NOL4L: variants seen among roughly 807,000 people sequenced by gnomAD.
The protein encoded by NOL4L is nucleolar protein 4-like.
In NOL4L, 7 loss-of-function variants were observed where a neutral mutation model predicts 64.5. That is an observed-to-expected ratio of 0.11 (90% CI 0.06 to 0.20). The LOEUF is 0.20. Ranked by LOEUF, NOL4L falls within the 10% of genes least tolerant of loss-of-function variation. NOL4L has a pLI of 1.00. For synonymous variants in NOL4L, 413 were observed against 401.0 expected (o/e 1.03, Z -0.36); for missense variants, 680 against 967.1 (o/e 0.70, Z 3.94).
chr20:32,582,409 C>T (rs550692483), intron 1 of NOL4L, among the ~76,000 whole-genome samples: 10 of 151,926 alleles, frequency 6.6e-5, no homozygotes, highest in African/African-American at 2.2e-4. Flanking sequence ...GCAGCTGGGC[C>T]GGCAGGACCT....
chr20:32,571,314 A>G (rs532825416), intron 1 of NOL4L, among the ~76,000 whole-genome samples: 63 of 152,078 alleles, frequency 4.1e-4, no homozygotes, highest in Non-Finnish European at 7.1e-4. Flanking sequence ...CAGTCTCCCA[A>G]GTAGCTGGGA....
intron 2 of NOL4L, among the ~76,000 whole-genome samples, chr20:32,526,359 G>A (rs952039106): frequency 2.6e-5 from 4 of 152,136 alleles, no homozygotes; most frequent in Admixed American, 1.3e-4. Context: ...AGAAGCAGGA[G>A]GGGCGGGGAG....
intron 1 of NOL4L, among the ~76,000 whole-genome samples, chr20:32,563,016 G>A (rs1455124241): frequency 1.4e-5 from 1 of 69,132 alleles, no homozygotes; most frequent in Non-Finnish European, 3.0e-5. Context: ...GAGGGACAGT[G>A]GAGGGGAAGG....
intron 1 of NOL4L, chr20:32,536,289 C>A (rs1051175887): frequency 1.6e-5 from 16 of 985,206 alleles, no homozygotes; most frequent in Non-Finnish European, 1.8e-5. Context: ...CCAGGCCCCG[C>A]GGGCGGGTCC....
chr20:32,487,008 C>T (rs1266067608), intron 4 of NOL4L, among the ~76,000 whole-genome samples: 1 of 152,210 alleles, frequency 6.6e-6, no homozygotes, highest in Non-Finnish European at 1.5e-5. Context: ...GTGGCTCACA[C>T]CTGTAATCCC....
chr20:32,505,233 T>G (rs1486896118), intron 4 of NOL4L, among the ~76,000 whole-genome samples: 2 of 152,148 alleles, frequency 1.3e-5, no homozygotes, highest in Non-Finnish European at 2.9e-5. Flanking sequence ...TTGGGGGTCT[T>G]TCTGGGCAGG....
chr20:32,543,503 C>T (rs1433140536), intron 1 of NOL4L, among the ~76,000 whole-genome samples: 1 of 152,026 alleles, frequency 6.6e-6, no homozygotes, highest in Non-Finnish European at 1.5e-5. Context: ...CCTGTAATCT[C>T]AGCAACTAGG....
rs999020364 is a variant in NOL4L, at chr20:32,488,811, T to C, written c.700-14069A>G. 6.3e-3 allele frequency among the ~76,000 whole-genome samples: 142 copies of C among 22,670 alleles called. 10 individuals carry two copies. Among genetic ancestry groups the C allele is most frequent in the Non-Finnish European group, 8.2e-3 (115 of 13,980 alleles). 14.9% of individuals were successfully genotyped at this position (22,670 alleles called of 152,430 possible). The stretch of plus-strand genomic sequence containing the variant: ...CCTTCCTTTCTTTCTTTCTTTTTCT[T>C]TCTTTCTTTCTTTCTTTTTCTTTCT... On this transcript the variant is annotated intron_variant, in intron 4 of 10. Coordinates refer to ENST00000621426, the MANE Select transcript of NOL4L (RefSeq NM_001256798.2).
chr20:32,497,413 C>T (rs1909748946), intron 4 of NOL4L, among the ~76,000 whole-genome samples: 1 of 152,130 alleles, frequency 6.6e-6, no homozygotes, highest in South Asian at 2.1e-4. Flanking sequence ...GCTGAGCTGC[C>T]TGAGTTTCAG....
At chr20:32,492,210 A>G (rs997240450) in intron 4 of NOL4L, among the ~76,000 whole-genome samples, 1 of 152,354 alleles carries the variant, frequency 6.6e-6, no homozygotes, top group African/African-American at 2.4e-5. Context: ...AAGGATGGAT[A>G]CATTGTGGGC....
At chr20:32,574,432 C>G (rs895535792) in intron 1 of NOL4L, among the ~76,000 whole-genome samples, 1 of 152,176 alleles carries the variant, frequency 6.6e-6, no homozygotes, top group Non-Finnish European at 1.5e-5. Context: ...GGTTTGCTAA[C>G]CTGTAGAATG....
Position 32,474,648 on chromosome 20 carries a change from T to C in NOL4L, c.794A>G (p.Gln265Arg), listed in dbSNP as rs1392426146. Residue 265 changes from glutamine to arginine, a missense_variant, in exon 5 of 11, where the codon CAG (glutamine) becomes CGG (arginine). Physicochemically the swap from Gln to Arg is conservative, Grantham distance 43 (BLOSUM62 1). Around this residue, in one of 4 missense-constraint regions of NOL4L, gnomAD observed 254 missense variants for 238.7 expected, o/e 1.06. Transcript: ENST00000621426. ...CTGCGGGCTCCGCATCCTCTCGTCC[T>C]GGCTGGGGCTCAGGCTGGAGGCCAG... is the stretch of plus-strand genomic sequence containing the variant. ...PHLASSLSPS[Q>R]DERMRSPQNL... The C allele has an allele frequency of 6.2e-7, 1 of 1,613,784 alleles. No homozygotes were observed. The highest frequency in any genetic ancestry group is 2.2e-5 in the East Asian group (1 of 44,882).
At chr20:32,502,801 C>T (rs1224794618) in intron 4 of NOL4L, among the ~76,000 whole-genome samples, 1 of 151,918 alleles carries the variant, frequency 6.6e-6, no homozygotes, top group Non-Finnish European at 1.5e-5. Flanking sequence ...ATCCCAGCTA[C>T]TCGGGAGGCT....
intron 4 of NOL4L, among the ~76,000 whole-genome samples, chr20:32,484,210 G>C (rs1382296336): frequency 2.0e-5 from 3 of 152,138 alleles, no homozygotes; most frequent in African/African-American, 7.2e-5. Flanking sequence ...GCGGGTACTT[G>C]TGGGGCGGGG....
intron 2 of NOL4L, among the ~76,000 whole-genome samples, chr20:32,523,893 TC>T (rs1007067591): frequency 6.6e-6 from 1 of 152,102 alleles, no homozygotes; most frequent in Non-Finnish European, 1.5e-5. Context: ...CCCATTTCAC[TC>T]CCCAACTCAG....
intron 1 of NOL4L, among the ~76,000 whole-genome samples, chr20:32,556,735 G>A (rs1416792586): frequency 6.6e-6 from 1 of 152,218 alleles, no homozygotes; most frequent in Non-Finnish European, 1.5e-5. Flanking sequence ...CCACTGGGCA[G>A]GTCGGGTCTG....
chr20:32,453,794 C>A lies in NOL4L; in HGVS notation c.1120-33G>T, dbSNP rs1417337625. Reference sequence around the variant, plus strand: ...GAGGGCAAGAGGCAGAGGGTTGGGCCAAGCAGCTGCTCAAGCCCTTGCTGG... The same window carrying A: ...GAGGGCAAGAGGCAGAGGGTTGGGCAAAGCAGCTGCTCAAGCCCTTGCTGG... On this transcript the variant is annotated intron_variant, in intron 6 of 10. Coordinates refer to ENST00000621426, the MANE Select transcript of NOL4L (RefSeq NM_001256798.2). The surrounding 1 kb of genome is among the most constrained non-coding windows in gnomAD (Gnocchi z 5.6). The A allele has an allele frequency of 5.2e-6, 8 of 1,545,162 alleles. No individual in the cohort carries two copies. The highest frequency in any genetic ancestry group is 7.0e-6 in the Non-Finnish European group (8 of 1,142,054).
intron 4 of NOL4L, among the ~76,000 whole-genome samples, chr20:32,507,666 T>G (rs1423750613): frequency 6.6e-6 from 1 of 152,186 alleles, no homozygotes; most frequent in Non-Finnish European, 1.5e-5. Flanking sequence ...TTATTGAGAT[T>G]TTTTCTTACC....
At chr20:32,528,895 G>T (rs919784811) in intron 1 of NOL4L, among the ~76,000 whole-genome samples, 4 of 152,216 alleles carry the variant, frequency 2.6e-5, no homozygotes, top group Non-Finnish European at 5.9e-5. Flanking sequence ...GGGAATTTGA[G>T]GGGAAAGGAA....
Sources: allele counts gnomAD v4.1 joint callset (sites outside exome capture counted in the v4.1 genomes callset), GRCh38; gene constraint gnomAD v4.1.1; regional missense constraint gnomAD v4.1.1; non-coding constraint Gnocchi (gnomAD v3.1); transcripts MANE v1.5; gene names NCBI Gene and HGNC (gene_info 2026-07-23, HGNC 2026-07-21).